Variants in CDH13 observed in about 807,000 individuals in gnomAD.
CDH13 encodes the protein cadherin-13.
A neutral mutation model predicts 63.8 loss-of-function variants in CDH13; 24 were observed. The ratio of observed to expected loss-of-function variants is 0.38; its 90% CI spans 0.27 to 0.53. The LOEUF is 0.53. Ranked by LOEUF, CDH13 falls within the 20% of genes least tolerant of loss-of-function variation. The pLI is 0.85. For synonymous variants in CDH13, 503 were observed against 355.3 expected (o/e 1.42, Z -4.67); for missense variants, 1,049 against 903.1 (o/e 1.16, Z -2.07).
At chr16:83,027,369 A>C (rs1431980531) in intron 2 of CDH13, among the ~76,000 whole-genome samples, 2 of 152,186 alleles carry the variant, frequency 1.3e-5, no homozygotes, top group East Asian at 3.9e-4. Flanking sequence ...ACACAAAGAG[A>C]ATGCTTGAAG....
chr16:83,334,286 T>TCTCTCTCTCC (rs529975067), intron 5 of CDH13, among the ~76,000 whole-genome samples: 1 of 151,330 alleles, frequency 6.6e-6, no homozygotes, highest in Non-Finnish European at 1.5e-5. Flanking sequence ...TCCTCCTTTC[T>TCTCTCTCTCC]CTCTCTCTCC....
intron 7 of CDH13, among the ~76,000 whole-genome samples, chr16:83,505,134 AT>A (rs1555563071): frequency 1.3e-5 from 2 of 152,148 alleles, no homozygotes; most frequent in Non-Finnish European, 2.9e-5. Context: ...CAAATTCTAG[AT>A]TTGGACTTGA....
intron 1 of CDH13, among the ~76,000 whole-genome samples, chr16:82,659,884 C>A (rs1911734386): frequency 6.6e-6 from 1 of 152,150 alleles, no homozygotes; most frequent in Non-Finnish European, 1.5e-5. Flanking sequence ...GAAGCCCCAT[C>A]CTCACTGTGA....
At chr16:82,885,764 T>C (rs977956003) in intron 2 of CDH13, among the ~76,000 whole-genome samples, 3 of 152,198 alleles carry the variant, frequency 2.0e-5, no homozygotes, top group African/African-American at 7.2e-5. Context: ...ATCATGCACT[T>C]TCTATGTAAC....
At chr16:83,341,989 C>CCCCCCACACA (rs767233245) in intron 5 of CDH13, among the ~76,000 whole-genome samples, 1 of 138,072 alleles carries the variant, frequency 7.2e-6, no homozygotes, top group Non-Finnish European at 1.6e-5. Flanking sequence ...GTGTCCCCTG[C>CCCCCCACACA]CACACACACA....
chr16:82,736,874 C>T (rs967639393), intron 1 of CDH13, among the ~76,000 whole-genome samples: 2 of 150,894 alleles, frequency 1.3e-5, no homozygotes, highest in African/African-American at 5.0e-5. Flanking sequence ...TTGTCTTCCT[C>T]AATCCTTTCA....
chr16:83,696,134 A>T (rs1052761443), intron 10 of CDH13, among the ~76,000 whole-genome samples: 4 of 151,806 alleles, frequency 2.6e-5, no homozygotes, highest in Non-Finnish European at 5.9e-5. Flanking sequence ...CAAGCAATCC[A>T]CTCGCTTCTG....
At chr16:83,522,925 C>T (rs533000667) in intron 7 of CDH13, among the ~76,000 whole-genome samples, 1 of 152,338 alleles carries the variant, frequency 6.6e-6, no homozygotes, top group South Asian at 2.1e-4. Flanking sequence ...CTAGCCACAC[C>T]AAGTCCCTTT....
At chr16:82,989,269 A>G (rs1320001998) in intron 2 of CDH13, among the ~76,000 whole-genome samples, 2 of 152,188 alleles carry the variant, frequency 1.3e-5, no homozygotes, top group Admixed American at 6.5e-5. Context: ...ATCACTCACA[A>G]GTACAAGTCT....
At chr16:83,266,169 C>G (rs1364578713) in intron 5 of CDH13, among the ~76,000 whole-genome samples, 1 of 152,076 alleles carries the variant, frequency 6.6e-6, no homozygotes, top group Non-Finnish European at 1.5e-5. Context: ...AACTCCTGAC[C>G]TCAAGTGATC....
intron 1 of CDH13, among the ~76,000 whole-genome samples, chr16:82,704,062 G>A (rs2031279606): frequency 2.6e-5 from 4 of 152,100 alleles, no homozygotes; most frequent in Admixed American, 2.6e-4. Flanking sequence ...CCATGACACT[G>A]CCACAGCTGA....
At chr16:82,672,154 G>T (rs917872885) in intron 1 of CDH13, among the ~76,000 whole-genome samples, 6 of 152,196 alleles carry the variant, frequency 3.9e-5, no homozygotes, top group African/African-American at 1.2e-4. Context: ...CTGTGAGTTT[G>T]AGCAAGGTAT....
At chr16:82,789,707 T>G (rs2036194149) in intron 1 of CDH13, among the ~76,000 whole-genome samples, 1 of 152,222 alleles carries the variant, frequency 6.6e-6, no homozygotes, top group Non-Finnish European at 1.5e-5. Context: ...AACAGGGCTG[T>G]GCTGCTATTT....
At chr16:83,261,123 C>G (rs892096701) in intron 5 of CDH13, among the ~76,000 whole-genome samples, 1 of 152,168 alleles carries the variant, frequency 6.6e-6, no homozygotes, top group African/African-American at 2.4e-5. Context: ...GGCATCTTGA[C>G]TGACCCACCA....
intron 4 of CDH13, among the ~76,000 whole-genome samples, chr16:83,205,484 G>A (rs2151771161): frequency 6.6e-6 from 1 of 152,162 alleles, no homozygotes; most frequent in Non-Finnish European, 1.5e-5. Flanking sequence ...ATTGAGCAGT[G>A]GTCCCTTGAA....
intron 5 of CDH13, among the ~76,000 whole-genome samples, chr16:83,232,312 G>A (rs1302029260): frequency 6.7e-6 from 1 of 149,166 alleles, no homozygotes; most frequent in Non-Finnish European, 1.5e-5. Flanking sequence ...ATCACTTGAG[G>A]TCAGGAGTTC....
At chr16:83,033,978 G>C (rs548619448) in intron 3 of CDH13, among the ~76,000 whole-genome samples, 23 of 152,178 alleles carry the variant, frequency 1.5e-4, no homozygotes, top group African/African-American at 5.5e-4. Flanking sequence ...TACTCATTTT[G>C]TTCAGTGGTG....
chr16:82,853,985 G>C (rs976928538), intron 1 of CDH13, among the ~76,000 whole-genome samples: 11 of 152,196 alleles, frequency 7.2e-5, no homozygotes, highest in Non-Finnish European at 1.5e-4. Flanking sequence ...AATTCTTACA[G>C]CAATGAGGGG....
chr16:82,954,057 A>G (rs915097097), intron 2 of CDH13: 2 of 152,144 alleles, frequency 1.3e-5, no homozygotes, highest in African/African-American at 2.4e-5. Context: ...GCCAAGAAGC[A>G]CTGTAGGGAA....
Sources: gnomAD v4.1 joint callset for allele counts (sites outside exome capture counted in the v4.1 genomes callset) on GRCh38, gnomAD v4.1.1 for gene constraint, MANE v1.5 for transcripts, NCBI Gene and HGNC (gene_info 2026-07-23, HGNC 2026-07-21) for gene names.